MEI4: variants seen among roughly 807,000 people sequenced by gnomAD.
MEI4 encodes the protein meiotic double-stranded break formation protein 4, also known as meiosis-specific protein MEI4.
MEI4 carries 27 observed loss-of-function variants against 31.4 expected under a neutral mutation model. The observed-to-expected ratio is 0.86, with a 90% CI of 0.63 to 1.19. MEI4 has a LOEUF of 1.19. Ranked by LOEUF, MEI4 falls within the 50% of genes most tolerant of loss-of-function variation. The probability of loss-of-function intolerance (pLI) is 0.00; values close to 1 mark genes in which losing one functional copy is unlikely to be tolerated. For synonymous variants in MEI4, 122 were observed against 145.4 expected (o/e 0.84, Z 1.16); for missense variants, 329 against 398.9 (o/e 0.82, Z 1.49).
chr6:77,663,759 C>T (rs1245945572), intron 1 of MEI4, among the ~76,000 whole-genome samples: 5 of 152,164 alleles, frequency 3.3e-5, no homozygotes, highest in East Asian at 1.9e-4. Flanking sequence ...GAGAGTTACC[C>T]GAAGCTCGGG....
At chr6:77,744,560 G>T (rs1767526159) in intron 2 of MEI4, among the ~76,000 whole-genome samples, 1 of 152,266 alleles carries the variant, frequency 6.6e-6, no homozygotes, top group South Asian at 2.1e-4. Flanking sequence ...ATATTATCCA[G>T]GAGAACTTCC....
At chr6:77,705,437 A>G (rs1190951822) in intron 2 of MEI4, among the ~76,000 whole-genome samples, 1 of 152,248 alleles carries the variant, frequency 6.6e-6, no homozygotes, top group Non-Finnish European at 1.5e-5. Context: ...TACAAGTAAT[A>G]TCACACATGT....
At chr6:77,765,634 C>T (rs796434456) in intron 3 of MEI4, among the ~76,000 whole-genome samples, 4 of 146,146 alleles carry the variant, frequency 2.7e-5, no homozygotes, top group African/African-American at 1.0e-4. Flanking sequence ...TGTGGCAATT[C>T]CTCAGGGATC....
intron 4 of MEI4, among the ~76,000 whole-genome samples, chr6:77,919,974 CAAT>C (rs1766665277): frequency 6.8e-6 from 1 of 147,392 alleles, no homozygotes; most frequent in Non-Finnish European, 1.5e-5. Flanking sequence ...CTGAATAGAC[CAAT>C]AACAGGAGCT....
At chr6:77,754,686 A>G (rs1458435851) in intron 2 of MEI4, among the ~76,000 whole-genome samples, 1 of 152,206 alleles carries the variant, frequency 6.6e-6, no homozygotes, top group Non-Finnish European at 1.5e-5. Flanking sequence ...GTAATTTACA[A>G]AGAAATGAGG....
At chr6:77,652,495 C>T (rs1581990398), upstream of MEI4, among the ~76,000 whole-genome samples, 1 of 151,916 alleles carries the variant, frequency 6.6e-6, no homozygotes, top group East Asian at 1.9e-4. Flanking sequence ...AACATTATTA[C>T]GTATTGAAAG....
At position 77,739,326 on chromosome 6, in the gene MEI4, T is replaced by A. The variant is rs185476602; in HGVS notation, c.233-21804T>A. Among the ~76,000 whole-genome samples, 332 of 152,270 alleles carry A rather than the reference T, an allele frequency of 2.2e-3. 1 individual carries two copies. Among genetic ancestry groups the A allele is most frequent in the Non-Finnish European group, 3.6e-3 (245 of 68,024 alleles). ...GGCTAATCAGTTTTCCCAGCACTAT[T>A]TATTAAATAGGGAATCCTGTCCCCA... On this transcript the variant is annotated intron_variant, in intron 2 of 4. Coordinates refer to ENST00000684080, the MANE Select transcript of MEI4 (RefSeq NM_001322247.2).
chr6:77,685,085 C>T (rs934716750), intron 1 of MEI4, among the ~76,000 whole-genome samples: 3 of 152,096 alleles, frequency 2.0e-5, no homozygotes, highest in Non-Finnish European at 4.4e-5. Context: ...TTTTGATTTG[C>T]GTTTCTCTGA....
At chr6:77,818,330 G>GT (rs1485094362) in intron 3 of MEI4, among the ~76,000 whole-genome samples, 1 of 151,890 alleles carries the variant, frequency 6.6e-6, no homozygotes, top group Non-Finnish European at 1.5e-5. Context: ...TTTTTATAAG[G>GT]TAAAAAAAGT....
intron 2 of MEI4, among the ~76,000 whole-genome samples, chr6:77,744,005 C>T (rs1407283289): frequency 2.0e-5 from 3 of 152,012 alleles, no homozygotes; most frequent in East Asian, 3.9e-4. Flanking sequence ...TAGATAAAAC[C>T]ACAAAGACGG....
intron 3 of MEI4, among the ~76,000 whole-genome samples, chr6:77,765,309 G>C (rs147098493): frequency 6.6e-6 from 1 of 151,980 alleles, no homozygotes; most frequent in African/African-American, 2.4e-5. Flanking sequence ...TAGCAGCAAC[G>C]TGAGATATTT....
chr6:77,922,837 C>T (rs1031718157), intron 4 of MEI4, among the ~76,000 whole-genome samples: 2 of 151,724 alleles, frequency 1.3e-5, no homozygotes, highest in Admixed American at 6.6e-5. Context: ...TGAGTATTCT[C>T]TGCAAGAATG....
chr6:77,842,171 G>A (rs781527433), intron 4 of MEI4, among the ~76,000 whole-genome samples: 21 of 152,006 alleles, frequency 1.4e-4, no homozygotes, highest in Non-Finnish European at 2.4e-4. Flanking sequence ...TCTAGACCAC[G>A]AAACAAACTT....
intron 4 of MEI4, among the ~76,000 whole-genome samples, chr6:77,919,271 A>G (rs550190195): frequency 1.4e-4 from 22 of 152,212 alleles, no homozygotes; most frequent in African/African-American, 5.1e-4. Flanking sequence ...CAGCATATGT[A>G]AAAGAACAGA....
At chr6:77,788,224 A>G (rs557397833) in intron 3 of MEI4, among the ~76,000 whole-genome samples, 1 of 152,344 alleles carries the variant, frequency 6.6e-6, no homozygotes, top group South Asian at 2.1e-4. Flanking sequence ...AAAAACTCTC[A>G]ATAAATTAGG....
intron 3 of MEI4, among the ~76,000 whole-genome samples, chr6:77,784,622 C>G (rs1768683714): frequency 6.6e-6 from 1 of 152,040 alleles, no homozygotes; most frequent in Non-Finnish European, 1.5e-5. Context: ...TTAAAGCTGG[C>G]AGAACAACAA....
chr6:77,867,081 G>A (rs1011731246), intron 4 of MEI4, among the ~76,000 whole-genome samples: 1 of 152,116 alleles, frequency 6.6e-6, no homozygotes, highest in African/African-American at 2.4e-5. Flanking sequence ...ATTCAAGATG[G>A]ATTAAAGACT....
At chr6:77,735,602 A>T (rs1022993454) in intron 2 of MEI4, among the ~76,000 whole-genome samples, 1 of 151,796 alleles carries the variant, frequency 6.6e-6, no homozygotes, top group Non-Finnish European at 1.5e-5. Flanking sequence ...GCTCGGAGTA[A>T]TTTGATTGTC....
At chr6:77,801,298 C>T (rs1318016985) in intron 3 of MEI4, among the ~76,000 whole-genome samples, 2 of 152,194 alleles carry the variant, frequency 1.3e-5, no homozygotes, top group African/African-American at 2.4e-5. Flanking sequence ...TTATAGTTTT[C>T]TCTGATGGTA....
Sources: allele counts gnomAD v4.1 joint callset (sites outside exome capture counted in the v4.1 genomes callset), GRCh38; gene constraint gnomAD v4.1.1; transcripts MANE v1.5; gene names NCBI Gene and HGNC (gene_info 2026-07-23, HGNC 2026-07-21).